SYNDIG1: variants seen among roughly 807,000 people sequenced by gnomAD.
The protein encoded by SYNDIG1 is synapse differentiation inducing 1.
Under a neutral mutation model 19.4 loss-of-function variants are expected in SYNDIG1, and 9 were observed. That is an observed-to-expected ratio of 0.46 (90% CI 0.28 to 0.81). The LOEUF is 0.81. SYNDIG1 is among the 30% of genes least tolerant of loss of function. The pLI is 0.12. For missense variants in SYNDIG1, 311 were observed against 343.3 expected (o/e 0.91, Z 0.74); for synonymous variants, 141 against 145.9 (o/e 0.97, Z 0.24).
In SYNDIG1 at chr20:24,665,329, C is replaced by A; in HGVS notation, c.619-17C>A. ...ACTTGCTTACAATGACTTCCTTTTT[C>A]TTCTCCAACTCTGCAGACCAACAAA... is the stretch of plus-strand genomic sequence containing the variant. On this transcript the variant is annotated splice_polypyrimidine_tract_variant and intron_variant, in intron 3 of 3. Transcript: ENST00000376862. The A allele has an allele frequency of 6.3e-7, 1 of 1,583,168 alleles. No individual in the cohort carries two copies. The highest frequency in any genetic ancestry group is 8.6e-7 in the Non-Finnish European group (1 of 1,167,642).
chr20:24,533,484 A>G (rs909153940), intron 1 of SYNDIG1, among the ~76,000 whole-genome samples: 1 of 152,132 alleles, frequency 6.6e-6, no homozygotes, highest in Non-Finnish European at 1.5e-5. Flanking sequence ...AGGCTTGTTG[A>G]CAATAGTCTG....
intron 2 of SYNDIG1, among the ~76,000 whole-genome samples, chr20:24,557,517 T>C (rs1326105690): frequency 6.6e-6 from 1 of 152,186 alleles, no homozygotes; most frequent in Non-Finnish European, 1.5e-5. Flanking sequence ...TAGTTTTCCT[T>C]CTAACAGACA....
chr20:24,535,482 T>C (rs1405597306), intron 1 of SYNDIG1, among the ~76,000 whole-genome samples: 2 of 152,204 alleles, frequency 1.3e-5, no homozygotes, highest in Non-Finnish European at 1.5e-5. Context: ...TGTCTCTAGG[T>C]GTCAACCTTA....
At chr20:24,558,841 C>G (rs983328017) in intron 2 of SYNDIG1, among the ~76,000 whole-genome samples, 1 of 152,168 alleles carries the variant, frequency 6.6e-6, no homozygotes, top group African/African-American at 2.4e-5. Context: ...TTTGCTCATA[C>G]TGTCATGTAT....
At position 24,562,122 on chromosome 20, in the gene SYNDIG1, A is replaced by C. The variant is rs187000211; in HGVS notation, c.480+18545A>C. On this transcript the variant is annotated intron_variant, in intron 2 of 3. Transcript: ENST00000376862. Reference sequence around the variant, plus strand: ...ATCAGTTTCACCTCCTTATAGTTGCATCTCATTTATTCCAGATTCTTCCAG... The same window carrying C: ...ATCAGTTTCACCTCCTTATAGTTGCCTCTCATTTATTCCAGATTCTTCCAG... Among the ~76,000 whole-genome samples the C allele has an allele frequency of 2.2e-4, 34 of 152,202 alleles. No individual in the cohort carries two copies. The East Asian group carries it at 5.2e-3, about 23-fold the overall frequency.
intron 2 of SYNDIG1, among the ~76,000 whole-genome samples, chr20:24,551,485 A>AT (rs2057705458): frequency 6.6e-6 from 1 of 150,440 alleles, no homozygotes; most frequent in Non-Finnish European, 1.5e-5. Flanking sequence ...CATTTTATTA[A>AT]TTTTTTACTC....
intron 3 of SYNDIG1, among the ~76,000 whole-genome samples, chr20:24,657,589 T>C (rs889073281): frequency 6.6e-6 from 1 of 152,132 alleles, no homozygotes; most frequent in Admixed American, 6.5e-5. Flanking sequence ...GCTTAAAATA[T>C]AAGGGTTGTT....
intron 2 of SYNDIG1, among the ~76,000 whole-genome samples, chr20:24,559,791 C>G (rs956508362): frequency 2.6e-5 from 4 of 152,168 alleles, no homozygotes; most frequent in Non-Finnish European, 5.9e-5. Flanking sequence ...ACATGTCACT[C>G]TGTTGCCTTC....
At chr20:24,627,073 AGGGAGAGGGAGACCGTG>A (rs1201851662) in intron 3 of SYNDIG1, among the ~76,000 whole-genome samples, 8 of 137,890 alleles carry the variant, frequency 5.8e-5, no homozygotes, top group Non-Finnish European at 1.3e-4. Flanking sequence ...GTGGAAAGAG[AGGGAGAGGGAGACCGTG>A]GGGAGAGGGG....
intron 3 of SYNDIG1, among the ~76,000 whole-genome samples, chr20:24,595,870 T>C (rs758299664): frequency 6.6e-6 from 1 of 152,148 alleles, no homozygotes; most frequent in Non-Finnish European, 1.5e-5. Flanking sequence ...GTCTACCTAG[T>C]TGTCTATCAA....
At chr20:24,615,310 C>T (rs1180756751) in intron 3 of SYNDIG1, among the ~76,000 whole-genome samples, 1 of 152,204 alleles carries the variant, frequency 6.6e-6, no homozygotes, top group African/African-American at 2.4e-5. Context: ...TTCTGAGATT[C>T]AGAGAACCCC....
intron 3 of SYNDIG1, among the ~76,000 whole-genome samples, chr20:24,608,468 C>T (rs558182492): frequency 3.3e-4 from 50 of 152,234 alleles, no homozygotes; most frequent in South Asian, 1.5e-3. Flanking sequence ...CGTGAGTCAC[C>T]GCGCCCCACC....
intron 3 of SYNDIG1, among the ~76,000 whole-genome samples, chr20:24,613,472 A>G (rs1055341536): frequency 1.3e-5 from 2 of 152,120 alleles, no homozygotes; most frequent in Non-Finnish European, 2.9e-5. Context: ...GGACCCCAGC[A>G]TGGAACCAGG....
intron 3 of SYNDIG1, among the ~76,000 whole-genome samples, chr20:24,606,758 A>G (rs1269907943): frequency 6.6e-6 from 1 of 152,192 alleles, no homozygotes; most frequent in Non-Finnish European, 1.5e-5. Context: ...ATACAGGATC[A>G]GTGGGGGCCA....
At chr20:24,492,555 T>C (rs2146318758) in intron 1 of SYNDIG1, among the ~76,000 whole-genome samples, 1 of 152,244 alleles carries the variant, frequency 6.6e-6, no homozygotes, top group Non-Finnish European at 1.5e-5. Flanking sequence ...GTTTGCATAA[T>C]CCCCCACCTA....
intron 3 of SYNDIG1, among the ~76,000 whole-genome samples, chr20:24,618,806 C>G (rs2058990510): frequency 6.8e-6 from 1 of 146,410 alleles, no homozygotes; most frequent in African/African-American, 2.6e-5. Context: ...CCATGTGACT[C>G]TTTTTCCTTT....
intron 2 of SYNDIG1, among the ~76,000 whole-genome samples, chr20:24,560,045 T>A (rs1307262953): frequency 3.9e-4 from 47 of 120,652 alleles, no homozygotes; most frequent in African/African-American, 4.9e-4. Flanking sequence ...TTTTTTTTTT[T>A]AACATTTCTC....
intron 1 of SYNDIG1, among the ~76,000 whole-genome samples, chr20:24,494,027 G>T (rs6036822): frequency 2.0e-5 from 3 of 152,094 alleles, no homozygotes; most frequent in Non-Finnish European, 4.4e-5. Flanking sequence ...CTGGCAGCTC[G>T]GCTGGTTGCA....
chr20:24,570,510 A>G (rs1047310098), intron 2 of SYNDIG1, among the ~76,000 whole-genome samples: 2 of 152,244 alleles, frequency 1.3e-5, no homozygotes, highest in Non-Finnish European at 2.9e-5. Context: ...CAGACACTTC[A>G]TGAAAGGGAA....
Sources: gnomAD v4.1 joint callset for allele counts (sites outside exome capture counted in the v4.1 genomes callset) on GRCh38, gnomAD v4.1.1 for gene constraint, MANE v1.5 for transcripts, NCBI Gene and HGNC (gene_info 2026-07-23, HGNC 2026-07-21) for gene names.